KIF2A: variants seen among roughly 807,000 people sequenced by gnomAD.
KIF2A encodes the protein kinesin family member 2A, also known as kinesin-like protein KIF2A.
A neutral mutation model predicts 100.2 loss-of-function variants in KIF2A; 22 were observed. The ratio of observed to expected loss-of-function variants is 0.22; its 90% CI spans 0.16 to 0.31. The LOEUF (loss-of-function observed/expected upper bound fraction) is 0.31, where lower values mean the gene tolerates loss of function less well. Among genes scored for constraint, KIF2A ranks in the 10% least tolerant of loss-of-function variants. KIF2A has a pLI of 1.00. For missense variants in KIF2A, 495 were observed against 898.7 expected (o/e 0.55, Z 5.74); for synonymous variants, 268 against 285.9 (o/e 0.94, Z 0.63).
chr5:62,322,220 C>T (rs1447155746), intron 1 of KIF2A, among the ~76,000 whole-genome samples: 1 of 152,116 alleles, frequency 6.6e-6, no homozygotes, highest in Non-Finnish European at 1.5e-5. Context: ...TATGATCCAC[C>T]GTGCCCAGTC....
chr5:62,379,364 G>GA (rs1483770312), intron 19 of KIF2A, among the ~76,000 whole-genome samples: 8 of 151,870 alleles, frequency 5.3e-5, no homozygotes, highest in African/African-American at 1.9e-4. Flanking sequence ...GAAAAGGAAA[G>GA]AAAAATTGGA....
In KIF2A at chr5:62,389,469, G is replaced by A. The variant is rs1033103420; in HGVS notation, c.*3900G>A. 3.4e-5 allele frequency among the ~76,000 whole-genome samples: 3 copies of A among 87,260 alleles called. No homozygotes were observed. The allele number at this position is 87,260 out of a possible 152,430, so 57.2% of individuals were successfully genotyped here. On this transcript the variant is annotated 3_prime_UTR_variant, in exon 21 of 21. Coordinates refer to ENST00000407818, the MANE Select transcript of KIF2A (RefSeq NM_001098511.3). Reference sequence around the variant, plus strand: ...CCACTGGAGTCCAGCCTGGGTGACAGAGCAAGACTCTGTCTCAAAAAAAAA... The same window carrying A: ...CCACTGGAGTCCAGCCTGGGTGACAAAGCAAGACTCTGTCTCAAAAAAAAA...
At position 62,306,409 on chromosome 5, in the gene KIF2A, T is replaced by TC; in HGVS notation, c.-60dup. 6 of 158,846 alleles carry TC rather than the reference T, an allele frequency of 3.8e-5. No individual in the cohort carries two copies. Among genetic ancestry groups the TC allele is most frequent in the African/African-American group, 8.0e-5 (1 of 12,530 alleles). 9.8% of individuals were successfully genotyped at this position (158,846 alleles called of 1,614,324 possible). A position where few individuals can be genotyped will look rare whatever the true frequency, so the allele number is the denominator to read the frequency against. ...CCCCTCCCACACCTACCCCGCCCCC[T>TC]CCCCGCCTTTTCCGCCCTCCGGTCC... On this transcript the variant is annotated 5_prime_UTR_variant, in exon 1 of 21. Coordinates refer to ENST00000407818, the MANE Select transcript of KIF2A (RefSeq NM_001098511.3).
intron 9 of KIF2A, 133 bp from the exon 10 acceptor site, chr5:62,361,109 T>A (rs1748383235): frequency 2.0e-6 from 1 of 508,902 alleles, no homozygotes; most frequent in African/African-American, 2.0e-5. Flanking sequence ...TTATTTAAAA[T>A]TTTTAACAAA....
chr5:62,388,936 A>G lies in KIF2A; in HGVS notation c.*3367A>G, dbSNP rs1435849039. 2 of 1,404,474 alleles carry G rather than the reference A, an allele frequency of 1.4e-6. No homozygotes were observed. Among genetic ancestry groups the G allele is most frequent in the Non-Finnish European group, 2.0e-6 (2 of 1,003,906 alleles). The allele number at this position is 1,404,474 out of a possible 1,614,324, so 87.0% of individuals were successfully genotyped here. A position where few individuals can be genotyped will look rare whatever the true frequency, so the allele number is the denominator to read the frequency against. ...AATAATGTCTCAGTAAAGCAAAAGCATTATCTTCTCAAATACAAAAAATAC... is the reference window on the plus strand; with the variant it reads ...AATAATGTCTCAGTAAAGCAAAAGCGTTATCTTCTCAAATACAAAAAATAC... On this transcript the variant is annotated 3_prime_UTR_variant, in exon 21 of 21. Transcript: ENST00000407818.
At chr5:62,383,399 C>G (rs1169368549) in intron 20 of KIF2A, among the ~76,000 whole-genome samples, 1 of 151,626 alleles carries the variant, frequency 6.6e-6, no homozygotes, top group African/African-American at 2.4e-5. Flanking sequence ...CCCGCCACCA[C>G]GCCTGGCTAA....
chr5:62,371,897 C>G (rs984028981), intron 16 of KIF2A, among the ~76,000 whole-genome samples: 1 of 152,208 alleles, frequency 6.6e-6, no homozygotes, highest in Non-Finnish European at 1.5e-5. Context: ...GAATCACCAA[C>G]CACTGAAAAT....
At chr5:62,341,784 G>T (rs1402193759) in intron 1 of KIF2A, among the ~76,000 whole-genome samples, 1 of 152,102 alleles carries the variant, frequency 6.6e-6, no homozygotes, top group Non-Finnish European at 1.5e-5. Flanking sequence ...GAATACCATG[G>T]TAGATGCCCA....
At chr5:62,313,992 A>G (rs1365208467) in intron 1 of KIF2A, among the ~76,000 whole-genome samples, 2 of 151,958 alleles carry the variant, frequency 1.3e-5, no homozygotes, top group East Asian at 3.9e-4. Flanking sequence ...GGGTCTTGCT[A>G]TGTTGACTAG....
intron 1 of KIF2A, among the ~76,000 whole-genome samples, chr5:62,313,911 CT>C (rs1221880263): frequency 3.3e-5 from 5 of 151,972 alleles, no homozygotes; most frequent in African/African-American, 1.2e-4. Context: ...CTCACCTTAA[CT>C]TCCCAAGTAG....
In KIF2A at chr5:62,377,777, G is replaced by C. The variant is rs1741612358; in HGVS notation, c.2013+15G>C. ...CAGTGTTCCAGGTAAAGTAAGACAG[G>C]ACTTTCCTTCAAAATATTTCTTGAG... On this transcript the variant is annotated intron_variant, in intron 19 of 20. Coordinates refer to ENST00000407818, the MANE Select transcript of KIF2A (RefSeq NM_001098511.3). 1 of 1,276,736 alleles carries C rather than the reference G, an allele frequency of 7.8e-7. No individual in the cohort carries two copies. Among genetic ancestry groups the C allele is most frequent in the African/African-American group, 1.5e-5 (1 of 66,984 alleles). 79.1% of individuals were successfully genotyped at this position (1,276,736 alleles called of 1,614,324 possible).
chr5:62,377,787 C>T (rs1369426635), intron 19 of KIF2A, 25 bp downstream of exon 19: 2 of 1,163,558 alleles, frequency 1.7e-6, no homozygotes, highest in Non-Finnish European at 2.5e-6. Flanking sequence ...GACTTTCCTT[C>T]AAAATATTTC....
At chr5:62,310,644 G>A (rs1745514129) in intron 1 of KIF2A, among the ~76,000 whole-genome samples, 1 of 152,146 alleles carries the variant, frequency 6.6e-6, no homozygotes, top group Non-Finnish European at 1.5e-5. Context: ...GATCTGCTAA[G>A]GTTAATCTGA....
chr5:62,333,819 C>G (rs1469289032), intron 1 of KIF2A, among the ~76,000 whole-genome samples: 2 of 152,082 alleles, frequency 1.3e-5, no homozygotes, highest in Non-Finnish European at 2.9e-5. Flanking sequence ...TGACTCTGCC[C>G]TTCACACAAG....
chr5:62,371,582 A>G (rs112710968), intron 16 of KIF2A, among the ~76,000 whole-genome samples: 32 of 152,332 alleles, frequency 2.1e-4, no homozygotes, highest in African/African-American at 7.5e-4. Flanking sequence ...CCACATTCTC[A>G]GTGAATGACC....
At chr5:62,380,067 A>G (rs1001657039) in intron 19 of KIF2A, among the ~76,000 whole-genome samples, 6 of 152,046 alleles carry the variant, frequency 3.9e-5, no homozygotes, top group Admixed American at 2.0e-4. Context: ...AATTTTTTGT[A>G]TTTTTAGAAG....
intron 18 of KIF2A, among the ~76,000 whole-genome samples, chr5:62,376,042 C>T (rs1741526371): frequency 6.6e-6 from 1 of 152,194 alleles, no homozygotes; most frequent in Non-Finnish European, 1.5e-5. Flanking sequence ...CCCTGCATTG[C>T]ATCTAGATAT....
chr5:62,385,826 C>G lies in KIF2A; in HGVS notation c.*257C>G, dbSNP rs1742000684. 2.3e-6 allele frequency: 1 copy of G among 436,920 alleles called. No homozygotes were observed. Among genetic ancestry groups the G allele is most frequent in the Non-Finnish European group, 4.1e-6 (1 of 241,626 alleles). 27.1% of individuals were successfully genotyped at this position (436,920 alleles called of 1,614,324 possible). On this transcript the variant is annotated 3_prime_UTR_variant, in exon 21 of 21. Coordinates refer to ENST00000407818, the MANE Select transcript of KIF2A (RefSeq NM_001098511.3). ...CAAATAGTGATTTACTTTTGGAGAT[C>G]CTTGTCAGTTTTATTTTCTATTTGA... is the stretch of plus-strand genomic sequence containing the variant.
chr5:62,335,989 A>C (rs1746924733), intron 1 of KIF2A, among the ~76,000 whole-genome samples: 1 of 152,208 alleles, frequency 6.6e-6, no homozygotes, highest in Admixed American at 6.5e-5. Flanking sequence ...CTCATTTTCT[A>C]TGAATATGAC....
Sources: allele counts gnomAD v4.1 joint callset (sites outside exome capture counted in the v4.1 genomes callset), GRCh38; gene constraint gnomAD v4.1.1; transcripts MANE v1.5; gene names NCBI Gene and HGNC (gene_info 2026-07-23, HGNC 2026-07-21).